USP9X: variants seen among roughly 807,000 people sequenced by gnomAD.
USP9X encodes ubiquitin carboxyl-terminal hydrolase 9X.
In USP9X, 7 loss-of-function variants were observed where a neutral mutation model predicts 190.3. The observed-to-expected ratio is 0.04, with a 90% CI of 0.02 to 0.07. The LOEUF (loss-of-function observed/expected upper bound fraction) is 0.07, where lower values mean the gene tolerates loss of function less well. USP9X is among the 10% of genes least tolerant of loss of function. USP9X has a pLI of 1.00. For synonymous variants in USP9X, 645 were observed against 659.5 expected, an observed-to-expected ratio of 0.98 and a Z score of 0.34; for missense variants, 1,010 against 1,916.9, an observed-to-expected ratio of 0.53 and a Z score of 8.83.
intron 33 of USP9X, among the ~76,000 whole-genome samples, chrX:41,213,758 G>A (rs1798425769): frequency 8.9e-6 from 1 of 111,995 alleles, no homozygotes; most frequent in Admixed American, 9.4e-5. Context: ...GCTGTTCCCT[G>A]ATTATATAGT....
At position 41,167,532 on chromosome X, in the gene USP9X, C is replaced by T. The variant is rs772118167; in HGVS notation, c.2379C>T (p.Leu793=). The part of the protein sequence containing the change: ...DDIASRAIDL[L]KEIYTNLGPR... Reference sequence around the variant, plus strand: ...TTGCCAGCAGAGCTATAGATCTCCTCAAAGAGATATACACGAACCTTGGTC... The same window carrying T: ...TTGCCAGCAGAGCTATAGATCTCCTTAAAGAGATATACACGAACCTTGGTC... Residue 793 remains leucine (L), a synonymous_variant, in exon 17 of 45, where the codon CTC becomes CTT. Transcript: ENST00000378308. 35 of 1,206,269 alleles carry T rather than the reference C, an allele frequency of 2.9e-5. No homozygotes were observed. Among genetic ancestry groups the T allele is most frequent in the Non-Finnish European group, 3.9e-5 (35 of 893,134 alleles).
At chrX:41,157,900 A>T (rs1042493113) in intron 14 of USP9X, among the ~76,000 whole-genome samples, 4 of 112,117 alleles carry the variant, frequency 3.6e-5, no homozygotes, top group Non-Finnish European at 5.6e-5. Context: ...GTATGATGAC[A>T]ATGTCTAATC....
chrX:41,085,886 G>A lies in USP9X; in HGVS notation c.-382G>A, dbSNP rs2061905937. ...CGCCGGCCAAGGAGGAGGAGGAGGC[G>A]GGCGCGGCGAGGAGCGAGTTCCGGC... On this transcript the variant is annotated 5_prime_UTR_variant, in exon 1 of 45. Coordinates refer to ENST00000378308, the MANE Select transcript of USP9X (RefSeq NM_001039591.3). 3.4e-6 allele frequency: 1 copy of A among 297,469 alleles called. No individual in the cohort carries two copies. Among genetic ancestry groups the A allele is most frequent in the South Asian group, 2.0e-4 (1 of 5,046 alleles). 24.5% of individuals were successfully genotyped at this position (297,469 alleles called of 1,213,427 possible). A position where few individuals can be genotyped will look rare whatever the true frequency, so the allele number is the denominator to read the frequency against.
intron 5 of USP9X, among the ~76,000 whole-genome samples, chrX:41,135,248 T>C (rs1354707082): frequency 1.8e-5 from 2 of 111,083 alleles, no homozygotes; most frequent in Non-Finnish European, 3.8e-5. Context: ...GAAATGAACT[T>C]GCTATGCAGA....
At chrX:41,148,753 C>G (rs181260100) in intron 12 of USP9X, among the ~76,000 whole-genome samples, 178 bp downstream of exon 12, 201 of 111,848 alleles carry the variant, frequency 1.8e-3, no homozygotes, top group African/African-American at 6.1e-3. Flanking sequence ...TTTTGTGACT[C>G]ATCTGAAAAG....
intron 15 of USP9X, among the ~76,000 whole-genome samples, chrX:41,165,224 CTGT>C (rs1181788663): frequency 7.2e-5 from 8 of 111,318 alleles, no homozygotes; most frequent in Non-Finnish European, 1.5e-4. Flanking sequence ...TTAAATATGA[CTGT>C]TGTTAATTGA....
intron 6 of USP9X, among the ~76,000 whole-genome samples, chrX:41,138,175 T>C (rs896449893): frequency 2.7e-5 from 3 of 111,709 alleles, no homozygotes; most frequent in Non-Finnish European, 5.7e-5. Context: ...GCTATTGAAG[T>C]AAGAGAAATT....
intron 21 of USP9X, among the ~76,000 whole-genome samples, chrX:41,173,846 C>T (rs1291045531): frequency 9.0e-6 from 1 of 111,692 alleles, no homozygotes; most frequent in Non-Finnish European, 1.9e-5. Context: ...TGAATCCACA[C>T]GAATGAAGCT....
chrX:41,125,676 ACACACACACT>A (rs2062235732), intron 2 of USP9X, among the ~76,000 whole-genome samples: 1 of 41,733 alleles, frequency 2.4e-5, no homozygotes, highest in African/African-American at 1.0e-4. Context: ...ACACACACAC[ACACACACACT>A]CTCTCTCTCT....
chrX:41,118,445 G>A (rs2062167013), intron 1 of USP9X, among the ~76,000 whole-genome samples: 1 of 111,845 alleles, frequency 8.9e-6, no homozygotes, highest in Admixed American at 9.5e-5. Flanking sequence ...CCATATCGTA[G>A]CACCTGTCAG....
intron 2 of USP9X, among the ~76,000 whole-genome samples, chrX:41,125,643 AACACACACACACACACACACAC>A (rs748348083): frequency 7.2e-5 from 2 of 27,701 alleles, no homozygotes; most frequent in South Asian, 2.8e-3. Flanking sequence ...CCCTCCCGCC[AACACACACACACACACACACAC>A]ACACACACAC....
intron 29 of USP9X, among the ~76,000 whole-genome samples, chrX:41,198,089 T>C (rs1314361161): frequency 9.2e-6 from 1 of 108,374 alleles, no homozygotes; most frequent in Admixed American, 9.8e-5. Flanking sequence ...AAAATCTGAA[T>C]TGTTAATTTC....
At chrX:41,226,137 C>T (rs1175775475) in intron 41 of USP9X, among the ~76,000 whole-genome samples, 2 of 111,076 alleles carry the variant, frequency 1.8e-5, no homozygotes, top group Admixed American at 1.9e-4. Flanking sequence ...AGGAAGTAAG[C>T]GAATTCACAA....
chrX:41,158,539 CTG>C (rs1400362298), intron 14 of USP9X, among the ~76,000 whole-genome samples: 3 of 111,327 alleles, frequency 2.7e-5, no homozygotes, highest in East Asian at 5.6e-4. Context: ...TAAACAAAGA[CTG>C]AGAGAATTTG....
rs1180786305 is a variant in USP9X, at chrX:41,234,551, GTTTTT to G, written c.*2028_*2032del. ...TGCAATTCCAACTGATTTTTGTTTTGTTTTTATTTTTTTGTTGTTTTCTTCTTTGA... is the reference window on the plus strand; with the variant it reads ...TGCAATTCCAACTGATTTTTGTTTTGATTTTTTTGTTGTTTTCTTCTTTGA... On this transcript the variant is annotated 3_prime_UTR_variant, in exon 45 of 45. Coordinates refer to ENST00000378308, the MANE Select transcript of USP9X (RefSeq NM_001039591.3). 2 of 111,574 alleles carry G rather than the reference GTTTTT, an allele frequency of 1.8e-5. No homozygotes were observed. Among genetic ancestry groups the G allele is most frequent in the African/African-American group, 6.5e-5 (2 of 30,762 alleles). 9.2% of individuals were successfully genotyped at this position (111,574 alleles called of 1,213,427 possible). A position where few individuals can be genotyped will look rare whatever the true frequency, so the allele number is the denominator to read the frequency against.
chrX:41,101,016 G>T (rs1003807525), intron 1 of USP9X, among the ~76,000 whole-genome samples: 3 of 111,524 alleles, frequency 2.7e-5, no homozygotes, highest in Admixed American at 9.6e-5. Flanking sequence ...TCAAAAAATT[G>T]CTGACCTCTG....
chrX:41,161,635 C>CTTTTTT (rs759623425), intron 14 of USP9X, among the ~76,000 whole-genome samples: 1,042 of 47,356 alleles, frequency 0.022, 78 homozygotes, highest in Non-Finnish European at 0.027. Context: ...GGCGCCCTGC[C>CTTTTTT]TTTTTTTTTT....
intron 1 of USP9X, among the ~76,000 whole-genome samples, chrX:41,086,340 C>T (rs1468227390): frequency 2.7e-5 from 3 of 112,049 alleles, no homozygotes; most frequent in Non-Finnish European, 5.7e-5. Context: ...GTGTTTTGGA[C>T]TGTAAGGGAA....
chrX:41,161,329 C>CTTTTTTTTTTTTTTTT (rs1158519140), intron 14 of USP9X, among the ~76,000 whole-genome samples: 1 of 32,486 alleles, frequency 3.1e-5, no homozygotes, highest in African/African-American at 1.5e-4. Flanking sequence ...GAATTCTTGC[C>CTTTTTTTTTTTTTTTT]TTTTTTTTTT....
Sources: gnomAD v4.1 joint callset for allele counts (sites outside exome capture counted in the v4.1 genomes callset) on GRCh38, gnomAD v4.1.1 for gene constraint, MANE v1.5 for transcripts, NCBI Gene and HGNC (gene_info 2026-07-23, HGNC 2026-07-21) for gene names.